Variants in SPAST observed in about 807,000 individuals in gnomAD.
The protein encoded by SPAST is spastic paraplegia 4 (autosomal dominant; spastin).
SPAST carries 30 observed loss-of-function variants against 76.6 expected under a neutral mutation model. The observed-to-expected ratio is 0.39, with a 90% CI of 0.29 to 0.53. The LOEUF (loss-of-function observed/expected upper bound fraction) is 0.53, where lower values mean the gene tolerates loss of function less well. Among genes scored for constraint, SPAST ranks in the 20% least tolerant of loss-of-function variants. SPAST has a pLI of 0.68. For synonymous variants in SPAST, 305 were observed against 281.0 expected (o/e 1.09, Z -0.86); for missense variants, 717 against 770.5 (o/e 0.93, Z 0.82).
intron 16 of SPAST, among the ~76,000 whole-genome samples, chr2:32,153,427 G>T (rs963878704): frequency 2.0e-5 from 3 of 147,466 alleles, no homozygotes; most frequent in Non-Finnish European, 4.4e-5. Context: ...AGGTTCAAGC[G>T]ATTCTCCTGC....
chr2:32,140,653 T>C (rs568639203), intron 12 of SPAST, among the ~76,000 whole-genome samples: 75 of 151,728 alleles, frequency 4.9e-4, no homozygotes, highest in Admixed American at 3.9e-4. Flanking sequence ...TCAGGCGTCA[T>C]GGTGGGTCAC....
chr2:32,093,033 G>T lies in SPAST; in HGVS notation c.586+3428G>T, dbSNP rs113848851. Among the ~76,000 whole-genome samples, 772 of 149,020 alleles carry T rather than the reference G, an allele frequency of 5.2e-3. 10 individuals are homozygous for T. The highest frequency in any genetic ancestry group is 0.017 in the African/African-American group (679 of 40,406). ...AAAAAAAAAAAACGCCGGGCACTGT[G>T]GCTCACACCTGTAATCCTAGCACTT... On this transcript the variant is annotated intron_variant, in intron 3 of 16. Coordinates refer to ENST00000315285, the MANE Select transcript of SPAST (RefSeq NM_014946.4).
intron 4 of SPAST, among the ~76,000 whole-genome samples, chr2:32,101,157 C>G (rs972083774): frequency 1.3e-5 from 2 of 152,288 alleles, no homozygotes; most frequent in African/African-American, 4.8e-5. Flanking sequence ...GCCATTCTAA[C>G]TGGTGTGAGA....
At chr2:32,068,220 C>A (rs1377991454) in intron 1 of SPAST, among the ~76,000 whole-genome samples, 2 of 152,028 alleles carry the variant, frequency 1.3e-5, no homozygotes, top group Non-Finnish European at 1.5e-5. Flanking sequence ...CCTCGTGATC[C>A]ACCCGCCTCG....
At chr2:32,115,648 G>T in intron 5 of SPAST, 54 bp from the exon 6 acceptor site, 5 of 1,359,900 alleles carry the variant, frequency 3.7e-6, no homozygotes, top group Non-Finnish European at 4.1e-6. Context: ...ACTTATTTAT[G>T]AAAAGTGTAA....
At chr2:32,133,368 G>A (rs1399411621) in intron 9 of SPAST, among the ~76,000 whole-genome samples, 1 of 152,142 alleles carries the variant, frequency 6.6e-6, no homozygotes, top group East Asian at 1.9e-4. Context: ...ATTGTTACCT[G>A]TGGCCCTAAA....
At chr2:32,071,417 A>G (rs1205007001) in intron 1 of SPAST, among the ~76,000 whole-genome samples, 2 of 152,228 alleles carry the variant, frequency 1.3e-5, no homozygotes, top group Non-Finnish European at 2.9e-5. Flanking sequence ...GTATATGTGC[A>G]TGTGTGTATT....
At chr2:32,068,032 G>A (rs1181285792) in intron 1 of SPAST, among the ~76,000 whole-genome samples, 1 of 148,586 alleles carries the variant, frequency 6.7e-6, no homozygotes, top group East Asian at 2.0e-4. Context: ...AGGCTAGAGT[G>A]CAGTGGCGCG....
rs549614810 is a variant in SPAST, at chr2:32,132,735, G to A, written c.1246-3828G>A. 3.9e-5 allele frequency among the ~76,000 whole-genome samples: 6 copies of A among 152,194 alleles called. No homozygotes were observed. The South Asian group carries it at 6.2e-4, about 16-fold the overall frequency. On this transcript the variant is annotated intron_variant, in intron 9 of 16. Coordinates refer to ENST00000315285, the MANE Select transcript of SPAST (RefSeq NM_014946.4). ...TTAAAAAGGAAGCATTGTGCCAGGC[G>A]CAGTGGCTCACACCTGTGATCCCAG... is the stretch of plus-strand genomic sequence containing the variant.
intron 1 of SPAST, among the ~76,000 whole-genome samples, chr2:32,065,802 C>G (rs751112116): frequency 6.6e-6 from 1 of 152,096 alleles, no homozygotes; most frequent in Non-Finnish European, 1.5e-5. Context: ...TTGTTGAAAC[C>G]TGTTTCCTTT....
At chr2:32,126,139 G>C (rs960850473) in intron 7 of SPAST, among the ~76,000 whole-genome samples, 5 of 152,084 alleles carry the variant, frequency 3.3e-5, no homozygotes, top group Non-Finnish European at 7.4e-5. Flanking sequence ...CCTTACTACT[G>C]CTTTCTGTGG....
chr2:32,106,906 G>T (rs1408999323), intron 4 of SPAST, among the ~76,000 whole-genome samples: 3 of 150,556 alleles, frequency 2.0e-5, no homozygotes, highest in Non-Finnish European at 3.0e-5. Context: ...AAAAAACAAA[G>T]AAATGTAAGA....
chr2:32,114,846 T>A (rs1365098124), intron 5 of SPAST, 21 bp downstream of exon 5: 2 of 1,592,866 alleles, frequency 1.3e-6, no homozygotes, highest in South Asian at 2.2e-5. Flanking sequence ...ACAGTAACTT[T>A]AATTGCTGTC....
At chr2:32,079,836 G>T (rs1677131663) in intron 1 of SPAST, among the ~76,000 whole-genome samples, 1 of 152,166 alleles carries the variant, frequency 6.6e-6, no homozygotes, top group Non-Finnish European at 1.5e-5. Flanking sequence ...TGCAGCCCAC[G>T]TTTTTTATTA....
In SPAST at chr2:32,088,988, A is replaced by G. The variant is rs558806460; in HGVS notation, c.503-534A>G. Reference sequence around the variant, plus strand: ...AAAAATATTTTAGACCCCATGAAATAAGACCTGAAATCTATGAAATACCAC... The same window carrying G: ...AAAAATATTTTAGACCCCATGAAATGAGACCTGAAATCTATGAAATACCAC... On this transcript the variant is annotated intron_variant, in intron 2 of 16. Transcript: ENST00000315285. Among the ~76,000 whole-genome samples, 15 of 152,256 alleles carry G rather than the reference A, an allele frequency of 9.9e-5. No individual in the cohort carries two copies. In the South Asian group the frequency reaches 1.2e-3, roughly 13 times the overall value.
chr2:32,147,333 T>A, intron 16 of SPAST, 75 bp downstream of exon 16: 1 of 710,036 alleles, frequency 1.4e-6, no homozygotes, highest in Non-Finnish European at 2.2e-6. Flanking sequence ...TATATGAATG[T>A]GTGTGTGTGT....
In SPAST at chr2:32,063,774, T is replaced by G. The variant is rs1173653412; in HGVS notation, c.-58T>G. 6.5e-7 allele frequency: 1 copy of G among 1,533,816 alleles called. No individual in the cohort carries two copies. Among genetic ancestry groups the G allele is most frequent in the Non-Finnish European group, 8.7e-7 (1 of 1,146,996 alleles). The stretch of plus-strand genomic sequence containing the variant: ...CGTAGCAGTGGCTGCCGCCGTCGCT[T>G]GGTTCCCGTCGGTCTGCGGGAGGCG... On this transcript the variant is annotated 5_prime_UTR_variant, in exon 1 of 17. Transcript: ENST00000315285.
chr2:32,153,002 C>T (rs1308348546), intron 16 of SPAST, among the ~76,000 whole-genome samples: 1 of 152,112 alleles, frequency 6.6e-6, no homozygotes, highest in Non-Finnish European at 1.5e-5. Context: ...CTTGCTTCAG[C>T]CTCCCAAAGT....
At chr2:32,140,568 G>A (rs1007871038) in intron 12 of SPAST, among the ~76,000 whole-genome samples, 1 of 151,858 alleles carries the variant, frequency 6.6e-6, no homozygotes, top group Non-Finnish European at 1.5e-5. Context: ...AGTGAGCCAA[G>A]ACGGCGGCAC....
Sources: allele counts gnomAD v4.1 joint callset (sites outside exome capture counted in the v4.1 genomes callset), GRCh38; gene constraint gnomAD v4.1.1; transcripts MANE v1.5; gene names NCBI Gene and HGNC (gene_info 2026-07-23, HGNC 2026-07-21).